The following CA5A variants were observed in gnomAD, a reference collection of about 807,000 sequenced individuals.
The protein encoded by CA5A is carbonic anhydrase 5A.
CA5A carries 28 observed loss-of-function variants against 37.1 expected under a neutral mutation model. The ratio of observed to expected loss-of-function variants is 0.75; its 90% CI spans 0.56 to 1.03. The LOEUF is 1.03. CA5A is among the 50% of genes least tolerant of loss of function. The pLI is 0.00. For synonymous variants in CA5A, 171 were observed against 158.4 expected (o/e 1.08, Z -0.60); for missense variants, 444 against 399.9 (o/e 1.11, Z -0.94).
rs137974753 is a variant in CA5A at position 87,924,848 on chromosome 16, G to A, written c.340+1900C>T. The stretch of plus-strand genomic sequence containing the variant: ...GGAAGCAGGTCCGGGCATGCTGGCA[G>A]CCATGTGGGAGTTTCTGGGCAGATG... On this transcript the variant is annotated intron_variant, in intron 2 of 6. Coordinates refer to ENST00000649794, the MANE Select transcript of CA5A (RefSeq NM_001739.2). Among the ~76,000 whole-genome samples, 487 of 152,364 alleles carry A rather than the reference G, an allele frequency of 3.2e-3. 3 individuals carry two copies. Among genetic ancestry groups the A allele is most frequent in the African/African-American group, 0.011 (470 of 41,590 alleles).
intron 1 of CA5A, among the ~76,000 whole-genome samples, chr16:87,929,271 G>C (rs1225982497): frequency 6.6e-6 from 1 of 150,986 alleles, no homozygotes; most frequent in Non-Finnish European, 1.5e-5. Context: ...GGCCAACATG[G>C]TAAAACCCTG....
chr16:87,888,986 C>A (rs917629070), intron 6 of CA5A, among the ~76,000 whole-genome samples: 68 of 148,852 alleles, frequency 4.6e-4, no homozygotes, highest in African/African-American at 1.6e-3. Context: ...ATGGTGTGAT[C>A]TTTGCTCACC....
At chr16:87,909,415 T>TATCATA (rs2056016441) in intron 2 of CA5A, among the ~76,000 whole-genome samples, 1 of 152,024 alleles carries the variant, frequency 6.6e-6, no homozygotes, top group South Asian at 2.1e-4. Context: ...GATACGCAAA[T>TATCATA]GAGGAGGGAA....
At chr16:87,888,965 A>C (rs7204364) in intron 6 of CA5A, among the ~76,000 whole-genome samples, 25,818 of 146,024 alleles carry the variant, frequency 0.18, 2,386 homozygotes, top group South Asian at 0.27. Context: ...TGTTGCCCAG[A>C]CTGGAGTGCA....
At chr16:87,929,785 T>C (rs141046930) in intron 1 of CA5A, among the ~76,000 whole-genome samples, 4,415 of 140,126 alleles carry the variant, frequency 0.032, 199 homozygotes, top group African/African-American at 0.11. Context: ...GGCAGCAGAA[T>C]GGCGTGAGCC....
rs558869969 is a variant in CA5A at position 87,910,096 on chromosome 16, CA to C, written c.341-5193del. ...AAGGAAGCACTCTAAAACAAACAAA[CA>C]AACAAAAAACAACGAACTGGAAGCC... On this transcript the variant is annotated intron_variant, in intron 2 of 6. Transcript: ENST00000649794. Among the ~76,000 whole-genome samples the C allele has an allele frequency of 4.7e-4, 71 of 152,232 alleles. No individual in the cohort carries two copies. The East Asian group carries it at 0.012, about 26-fold the overall frequency.
chr16:87,912,424 G>A (rs1474299243), intron 2 of CA5A, among the ~76,000 whole-genome samples: 3 of 152,228 alleles, frequency 2.0e-5, no homozygotes, highest in Non-Finnish European at 4.4e-5. Context: ...GGTGAGACCT[G>A]CACGTAAAGA....
intron 2 of CA5A, chr16:87,924,161 C>A (rs1041031695): frequency 2.0e-6 from 2 of 985,294 alleles, no homozygotes; most frequent in Non-Finnish European, 2.4e-6. Flanking sequence ...TCTTCTTCTC[C>A]GAGCTGGTCT....
At chr16:87,899,295 CTTTTTTTTT>C (rs774174056) in intron 5 of CA5A, among the ~76,000 whole-genome samples, 1,471 of 85,846 alleles carry the variant, frequency 0.017, 22 homozygotes, top group African/African-American at 0.066. Context: ...CTCCTAAGGT[CTTTTTTTTT>C]TTTTTTTTTT....
At chr16:87,928,769 T>C (rs1775330989) in intron 1 of CA5A, among the ~76,000 whole-genome samples, 1 of 129,148 alleles carries the variant, frequency 7.7e-6, no homozygotes, top group South Asian at 2.6e-4. Context: ...TGTTTTTTTT[T>C]TTTTTTTTTT....
At chr16:87,890,268 T>C (rs1236661171) in intron 6 of CA5A, among the ~76,000 whole-genome samples, 1 of 151,996 alleles carries the variant, frequency 6.6e-6, no homozygotes, top group African/African-American at 2.4e-5. Context: ...TCCCACCCTC[T>C]CTTGGTGGCA....
At chr16:87,898,441 C>T (rs1490996387) in intron 5 of CA5A, among the ~76,000 whole-genome samples, 1 of 152,222 alleles carries the variant, frequency 6.6e-6, no homozygotes, top group African/African-American at 2.4e-5. Flanking sequence ...TAGCATTTTC[C>T]ATCACAAGGC....
At chr16:87,892,150 C>G (rs1014029692) in intron 5 of CA5A, 196 bp from the exon 6 acceptor site, 2 of 473,904 alleles carry the variant, frequency 4.2e-6, no homozygotes, top group African/African-American at 4.1e-5. Flanking sequence ...AGGATTCCTG[C>G]CAACTTACAT....
At chr16:87,900,848 C>G (rs1472860243) in intron 5 of CA5A, among the ~76,000 whole-genome samples, 2 of 152,236 alleles carry the variant, frequency 1.3e-5, no homozygotes, top group Non-Finnish European at 2.9e-5. Flanking sequence ...TTGTTTCAAT[C>G]TGTTTTAAAA....
In CA5A at chr16:87,915,999, A is replaced by G. The variant is rs563958266; in HGVS notation, c.340+10749T>C. On this transcript the variant is annotated intron_variant, in intron 2 of 6. Coordinates refer to ENST00000649794, the MANE Select transcript of CA5A (RefSeq NM_001739.2). ...CCTCGCAATCACGGCAGAAGGCGAAAGGCAGGTCTTGCATGGGGGCAGCCA... is the reference window on the plus strand; with the variant it reads ...CCTCGCAATCACGGCAGAAGGCGAAGGGCAGGTCTTGCATGGGGGCAGCCA... Among the ~76,000 whole-genome samples, 14 of 152,044 alleles carry G rather than the reference A, an allele frequency of 9.2e-5. No individual in the cohort carries two copies. The East Asian group carries it at 2.3e-3, about 25-fold the overall frequency.
intron 5 of CA5A, chr16:87,893,162 A>G (rs2055749789): frequency 4.8e-6 from 2 of 414,468 alleles, no homozygotes; most frequent in South Asian, 4.2e-5. Context: ...TTTTTCAGAC[A>G]GAGTCTCCAG....
chr16:87,912,771 G>T (rs1057147872), intron 2 of CA5A, among the ~76,000 whole-genome samples: 2 of 152,208 alleles, frequency 1.3e-5, no homozygotes, highest in African/African-American at 4.8e-5. Context: ...CTGAAGATGG[G>T]TTTCTATTTG....
intron 2 of CA5A, among the ~76,000 whole-genome samples, chr16:87,907,630 G>A (rs937387551): frequency 2.0e-5 from 3 of 152,142 alleles, no homozygotes; most frequent in Non-Finnish European, 2.9e-5. Flanking sequence ...TCTTAGAGCA[G>A]AGGCTGTTTC....
chr16:87,926,498 G>A (rs2056313099), intron 2 of CA5A, among the ~76,000 whole-genome samples: 1 of 152,218 alleles, frequency 6.6e-6, no homozygotes, highest in African/African-American at 2.4e-5. Flanking sequence ...TTCTTTGCTA[G>A]GTGCACCTGT....
Sources: allele counts gnomAD v4.1 joint callset (sites outside exome capture counted in the v4.1 genomes callset), GRCh38; gene constraint gnomAD v4.1.1; transcripts MANE v1.5; gene names NCBI Gene and HGNC (gene_info 2026-07-23, HGNC 2026-07-21).